The following PACRG variants were observed in gnomAD, a reference collection of about 807,000 sequenced individuals.
PACRG encodes parkin coregulated gene protein.
A neutral mutation model predicts 29.7 loss-of-function variants in PACRG; 29 were observed. The ratio of observed to expected loss-of-function variants is 0.98; its 90% CI spans 0.73 to 1.33. The LOEUF (loss-of-function observed/expected upper bound fraction) is 1.33. Ranked by LOEUF, PACRG falls within the 40% of genes most tolerant of loss-of-function variation. PACRG has a pLI of 0.00. For missense variants in PACRG, 279 were observed against 316.2 expected, an observed-to-expected ratio of 0.88 and a Z score of 0.89; for synonymous variants, 116 against 118.7, an observed-to-expected ratio of 0.98 and a Z score of 0.15.
At chr6:163,114,994 A>G (rs1360201759) in intron 4 of PACRG, among the ~76,000 whole-genome samples, 1 of 152,216 alleles carries the variant, frequency 6.6e-6, no homozygotes, top group African/African-American at 2.4e-5. Flanking sequence ...TTATTTGTCA[A>G]TTATATCTCA....
intron 2 of PACRG, among the ~76,000 whole-genome samples, chr6:162,863,109 GCACACACTGCATC>G (rs1027347278): frequency 6.6e-6 from 1 of 152,186 alleles, no homozygotes; most frequent in African/African-American, 2.4e-5. Flanking sequence ...CAAGGGCCCT[GCACACACTGCATC>G]CACAGGCCCT....
chr6:163,282,084 T>G (rs1049141595), intron 4 of PACRG, among the ~76,000 whole-genome samples: 2 of 152,222 alleles, frequency 1.3e-5, no homozygotes, highest in African/African-American at 4.8e-5. Context: ...AGGGCAATTT[T>G]CTTTTCCTTA....
Position 163,017,761 on chromosome 6 carries a change from G to A in PACRG, c.292-44389G>A, listed in dbSNP as rs867213111. On this transcript the variant is annotated intron_variant, in intron 2 of 4. Coordinates refer to ENST00000366888, the MANE Select transcript of PACRG (RefSeq NM_001080379.2). ...CAGAGGACAATATGTAATTTAGAGA[G>A]TTACTACTCTTAAAAATTCTTACAT... Among the ~76,000 whole-genome samples, 5 of 152,156 alleles carry A rather than the reference G, an allele frequency of 3.3e-5. 1 individual carries two copies. The Middle Eastern group carries it at 0.017, about 518-fold the overall frequency.
At chr6:162,959,435 G>A (rs916954793) in intron 2 of PACRG, among the ~76,000 whole-genome samples, 2 of 152,066 alleles carry the variant, frequency 1.3e-5, no homozygotes, top group Admixed American at 1.3e-4. Flanking sequence ...ATGGAGGGGT[G>A]GGTCTGGTAT....
At chr6:163,153,062 A>G (rs1585271748) in intron 4 of PACRG, among the ~76,000 whole-genome samples, 1 of 152,366 alleles carries the variant, frequency 6.6e-6, no homozygotes. Flanking sequence ...AATTCACAAT[A>G]TGTATAGACA....
chr6:162,755,437 CTCT>C (rs1246424544), intron 1 of PACRG, among the ~76,000 whole-genome samples: 1 of 149,238 alleles, frequency 6.7e-6, no homozygotes, highest in South Asian at 2.1e-4. Context: ...CTTCCTTTTC[CTCT>C]TCTTCTATTT....
At chr6:162,822,921 T>A (rs1195054250) in intron 2 of PACRG, among the ~76,000 whole-genome samples, 1 of 152,156 alleles carries the variant, frequency 6.6e-6, no homozygotes, top group African/African-American at 2.4e-5. Flanking sequence ...ATGTATAACA[T>A]ATAACATATG....
intron 4 of PACRG, among the ~76,000 whole-genome samples, chr6:163,113,539 A>C (rs1475733824): frequency 6.6e-6 from 1 of 152,254 alleles, no homozygotes; most frequent in African/African-American, 2.4e-5. Flanking sequence ...CCAAAGATTA[A>C]CAACTGACTT....
chr6:163,262,873 C>T (rs184569581), intron 4 of PACRG, among the ~76,000 whole-genome samples: 165 of 148,660 alleles, frequency 1.1e-3, no homozygotes, highest in African/African-American at 3.8e-3. Flanking sequence ...GAGACCCCCC[C>T]CCCCATGTCA....
At chr6:163,243,868 A>AG (rs35391838) in intron 4 of PACRG, among the ~76,000 whole-genome samples, 93,465 of 152,030 alleles carry the variant, frequency 0.61, 30,654 homozygotes, top group African/African-American at 0.86. Context: ...AACTGAGGCT[A>AG]AGAAGCTATC....
chr6:163,127,349 C>T (rs986357398), intron 4 of PACRG, among the ~76,000 whole-genome samples: 8 of 152,290 alleles, frequency 5.3e-5, no homozygotes, highest in Admixed American at 3.9e-4. Flanking sequence ...CCTTTTCATG[C>T]CACTTATGGA....
chr6:163,151,218 G>A (rs6921357), intron 4 of PACRG, among the ~76,000 whole-genome samples: 1 of 152,084 alleles, frequency 6.6e-6, no homozygotes, highest in African/African-American at 2.4e-5. Context: ...TACTCCACTA[G>A]AATGAAACCT....
chr6:162,906,554 G>A (rs1395037034), intron 2 of PACRG, among the ~76,000 whole-genome samples: 1 of 152,204 alleles, frequency 6.6e-6, no homozygotes, highest in Non-Finnish European at 1.5e-5. Flanking sequence ...TAATATTGGT[G>A]ATCACGACAG....
rs142443179 is a variant in PACRG at position 163,084,502 on chromosome 6, A to G, written c.464-4757A>G. ...GGACGAAGTTAAGAGGCTTTTAAAT[A>G]GTGCATATCCTGCCTTTGTTTCACA... On this transcript the variant is annotated intron_variant, in intron 3 of 4. Coordinates refer to ENST00000366888, the MANE Select transcript of PACRG (RefSeq NM_001080379.2). Among the ~76,000 whole-genome samples, 100 of 152,298 alleles carry G rather than the reference A, an allele frequency of 6.6e-4. 1 individual carries two copies. In the East Asian group the frequency reaches 0.017, roughly 26 times the overall value.
intron 4 of PACRG, among the ~76,000 whole-genome samples, chr6:163,258,796 G>A (rs375669151): frequency 6.6e-5 from 10 of 151,728 alleles, no homozygotes; most frequent in African/African-American, 1.9e-4. Context: ...TATAATGTTC[G>A]TAAGAACTAT....
chr6:162,874,411 T>C (rs1250422707), intron 2 of PACRG, among the ~76,000 whole-genome samples: 1 of 152,106 alleles, frequency 6.6e-6, no homozygotes, highest in Non-Finnish European at 1.5e-5. Context: ...TCCACACTCA[T>C]CCATCTTCCT....
At chr6:163,022,513 G>A (rs1398249023) in intron 2 of PACRG, among the ~76,000 whole-genome samples, 1 of 152,314 alleles carries the variant, frequency 6.6e-6, no homozygotes, top group East Asian at 1.9e-4. Flanking sequence ...GGTTCGTGAG[G>A]AACTGGAGTT....
chr6:163,074,752 A>G (rs1327635153), intron 3 of PACRG, among the ~76,000 whole-genome samples: 1 of 152,226 alleles, frequency 6.6e-6, no homozygotes, highest in Non-Finnish European at 1.5e-5. Flanking sequence ...CCATACAATT[A>G]AGAGAACCAA....
At chr6:162,953,199 A>G (rs976209901) in intron 2 of PACRG, among the ~76,000 whole-genome samples, 125 of 152,300 alleles carry the variant, frequency 8.2e-4, no homozygotes, top group Non-Finnish European at 1.2e-3. Context: ...ATATTCATTG[A>G]CTTTTAGGCT....
Sources: allele counts gnomAD v4.1 joint callset (sites outside exome capture counted in the v4.1 genomes callset), GRCh38; gene constraint gnomAD v4.1.1; transcripts MANE v1.5; gene names NCBI Gene and HGNC (gene_info 2026-07-23, HGNC 2026-07-21).